ALK: variants seen among roughly 807,000 people sequenced by gnomAD.
ALK encodes ALK receptor tyrosine kinase, also known as ALK tyrosine kinase receptor.
Under a neutral mutation model 163.1 loss-of-function variants are expected in ALK, and 74 were observed. That is an observed-to-expected ratio of 0.45 (90% CI 0.38 to 0.55). The LOEUF is 0.55. Ranked by LOEUF, ALK falls within the 20% of genes least tolerant of loss-of-function variation. ALK has a pLI of 0.00. For missense variants in ALK, 2,063 were observed against 2,105.3 expected (o/e 0.98, Z 0.39); for synonymous variants, 960 against 843.2 (o/e 1.14, Z -2.40).
At chr2:29,225,642 T>G in intron 18 of ALK, 77 bp from the exon 19 acceptor site, 1 of 1,240,118 alleles carries the variant, frequency 8.1e-7, no homozygotes, top group Non-Finnish European at 1.2e-6. Flanking sequence ...AGAAATAACC[T>G]CCCCCACTGA....
intron 5 of ALK, among the ~76,000 whole-genome samples, chr2:29,379,478 A>G (rs150258227): frequency 6.6e-6 from 1 of 152,362 alleles, no homozygotes; most frequent in East Asian, 1.9e-4. Context: ...CAAGGTCTTG[A>G]ACTTCAAGTT....
chr2:29,507,158 T>C (rs575154966), intron 4 of ALK, among the ~76,000 whole-genome samples: 4 of 152,242 alleles, frequency 2.6e-5, no homozygotes, highest in East Asian at 3.9e-4. Flanking sequence ...ATAAACCAAA[T>C]GTGGTATATA....
intron 4 of ALK, among the ~76,000 whole-genome samples, chr2:29,433,146 G>A (rs1670320322): frequency 6.6e-6 from 1 of 152,204 alleles, no homozygotes; most frequent in Non-Finnish European, 1.5e-5. Flanking sequence ...TGAACCCATA[G>A]TAGGGACTTC....
chr2:29,631,525 A>T (rs1573513083), intron 3 of ALK, among the ~76,000 whole-genome samples: 2 of 152,248 alleles, frequency 1.3e-5, no homozygotes, highest in South Asian at 2.1e-4. Context: ...CAGGACTGGA[A>T]CAGGAGTTGG....
chr2:29,900,014 C>G (rs1339738707), intron 1 of ALK, among the ~76,000 whole-genome samples: 2 of 152,186 alleles, frequency 1.3e-5, no homozygotes, highest in African/African-American at 4.8e-5. Flanking sequence ...ATGGGCATCA[C>G]AGCTGGTCTC....
chr2:29,763,001 C>T (rs375361021), intron 1 of ALK, among the ~76,000 whole-genome samples: 64 of 150,718 alleles, frequency 4.2e-4, no homozygotes, highest in Admixed American at 1.2e-3. Context: ...GCAGGAGAAT[C>T]GCTTGAACCA....
chr2:29,756,465 A>G (rs1360979636), intron 1 of ALK, among the ~76,000 whole-genome samples: 1 of 151,966 alleles, frequency 6.6e-6, no homozygotes. Flanking sequence ...TGATGTCTTT[A>G]TAACTATTTC....
chr2:29,580,817 C>T (rs565946222), intron 3 of ALK, among the ~76,000 whole-genome samples: 31 of 152,300 alleles, frequency 2.0e-4, no homozygotes, highest in East Asian at 9.7e-4. Flanking sequence ...GAGGGGCTGA[C>T]GCTTATGCCA....
At position 29,228,746 on chromosome 2, in the gene ALK, T is replaced by G. The variant is rs562393962; in HGVS notation, c.2815+138A>C. The G allele has an allele frequency of 4.5e-4, 283 of 633,194 alleles. No homozygotes were observed. In the African/African-American group the frequency reaches 4.6e-3, roughly 10 times the overall value. The allele number at this position is 633,194 out of a possible 1,614,324, so 39.2% of individuals were successfully genotyped here. A position where few individuals can be genotyped will look rare whatever the true frequency, so the allele number is the denominator to read the frequency against. ...CCTGCCTCTGGCTGGTCCAGGCAGG[T>G]CGAGAGGGAGGCGTGCAGTCACATC... On this transcript the variant is annotated intron_variant, in intron 16 of 28. Transcript: ENST00000389048.
At chr2:29,220,243 A>C (rs1341725771) in intron 23 of ALK, among the ~76,000 whole-genome samples, 1 of 152,076 alleles carries the variant, frequency 6.6e-6, no homozygotes, top group Admixed American at 6.5e-5. Context: ...GTGAGTTCTC[A>C]TGAGACCTGG....
intron 3 of ALK, among the ~76,000 whole-genome samples, chr2:29,545,450 T>G (rs182862501): frequency 6.6e-6 from 1 of 152,238 alleles, no homozygotes; most frequent in Non-Finnish European, 1.5e-5. Flanking sequence ...GGGACCGTGC[T>G]CATTGGCATG....
chr2:29,626,498 G>A (rs980348805), intron 3 of ALK, among the ~76,000 whole-genome samples: 1 of 152,186 alleles, frequency 6.6e-6, no homozygotes, highest in Admixed American at 6.5e-5. Context: ...CCAGCCATGT[G>A]GAACTGTGAG....
At chr2:29,382,751 A>T (rs912862927) in intron 5 of ALK, among the ~76,000 whole-genome samples, 23 of 152,244 alleles carry the variant, frequency 1.5e-4, no homozygotes, top group African/African-American at 5.5e-4. Flanking sequence ...ATTGCCTCAT[A>T]TCATAGGTTA....
At chr2:29,743,375 T>C (rs530749663) in intron 1 of ALK, among the ~76,000 whole-genome samples, 3 of 152,334 alleles carry the variant, frequency 2.0e-5, no homozygotes, top group South Asian at 2.1e-4. Context: ...AAGTCTCCCA[T>C]ACCACAGTCA....
In ALK at chr2:29,227,666, T is replaced by C. The variant is rs368654781; in HGVS notation, c.2822A>G (p.Asn941Ser). ...GGGGGGYIGG[N>S]AASNNDPEMD... The stretch of plus-strand genomic sequence containing the variant: ...TTCGGGGTCATTGTTTGAGGCTGCA[T>C]TGCCGCCTGAGTAGCAAACCAGAGC... The change falls in exon 17 of 29, where the codon AAT becomes AGT. Residue 941 changes from asparagine to serine, a missense_variant. Transcript: ENST00000389048. This position sits in a 1 kb window ranked among gnomAD's most constrained non-coding sequence, Gnocchi z 4.4. The C allele has an allele frequency of 3.7e-6, 6 of 1,613,624 alleles. No homozygotes were observed. The highest frequency in any genetic ancestry group is 4.5e-5 in the East Asian group (2 of 44,888).
intron 4 of ALK, among the ~76,000 whole-genome samples, chr2:29,432,448 G>A (rs936124076): frequency 6.6e-6 from 1 of 152,120 alleles, no homozygotes; most frequent in Non-Finnish European, 1.5e-5. Flanking sequence ...CTGGTTCCAT[G>A]TTCGTACAGC....
rs540983100 is a variant in ALK, at chr2:29,844,168, T to C, written c.667+75825A>G. 3.9e-5 allele frequency among the ~76,000 whole-genome samples: 6 copies of C among 152,250 alleles called. No individual in the cohort carries two copies. In the South Asian group the frequency reaches 1.0e-3, roughly 26 times the overall value. On this transcript the variant is annotated intron_variant, in intron 1 of 28. Coordinates refer to ENST00000389048, the MANE Select transcript of ALK (RefSeq NM_004304.5). ...CTATCTGAAGGATAAGAAGGAGTTG[T>C]CTGGACAACAAAGGAAAAAAGACAT... is the stretch of plus-strand genomic sequence containing the variant.
chr2:29,229,682 C>T (rs1045601129), intron 15 of ALK, among the ~76,000 whole-genome samples: 7 of 152,150 alleles, frequency 4.6e-5, no homozygotes, highest in Non-Finnish European at 8.8e-5. Context: ...GTTGATGTTC[C>T]GCTCAAAGGA....
intron 26 of ALK, among the ~76,000 whole-genome samples, chr2:29,201,177 T>C (rs1171228866): frequency 6.6e-6 from 1 of 152,124 alleles, no homozygotes; most frequent in African/African-American, 2.4e-5. Flanking sequence ...AATTAATATC[T>C]TTAAATGTCC....
Sources: gnomAD v4.1 joint callset for allele counts (sites outside exome capture counted in the v4.1 genomes callset) on GRCh38, gnomAD v4.1.1 for gene constraint, Gnocchi (gnomAD v3.1) non-coding constraint, MANE v1.5 for transcripts, NCBI Gene and HGNC (gene_info 2026-07-23, HGNC 2026-07-21) for gene names.